The following HOOK3 variants were observed in gnomAD, a reference collection of about 807,000 sequenced individuals.
The protein encoded by HOOK3 is protein Hook homolog 3.
HOOK3 carries 24 observed loss-of-function variants against 116.3 expected under a neutral mutation model. The ratio of observed to expected loss-of-function variants is 0.21; its 90% CI spans 0.15 to 0.29. HOOK3 has a LOEUF of 0.29. HOOK3 is among the 10% of genes least tolerant of loss of function. The probability of loss-of-function intolerance (pLI) is 1.00; values close to 1 mark genes in which losing one functional copy is unlikely to be tolerated. For missense variants in HOOK3, 632 were observed against 830.2 expected (o/e 0.76, Z 2.93); for synonymous variants, 275 against 283.0 (o/e 0.97, Z 0.28).
chr8:43,028,508 TG>T lies in HOOK3; in HGVS notation c.*10011del, dbSNP rs1809973363. On this transcript the variant is annotated 3_prime_UTR_variant, in exon 22 of 22. Transcript: ENST00000307602. ...AATGAACATTGCCAACAGTTTTTTT[TG>T]TTTCTGTCCCTTAAACATTTCCCCT... 1 of 190,086 alleles carries T rather than the reference TG, an allele frequency of 5.3e-6. No individual in the cohort carries two copies. The highest frequency in any genetic ancestry group is 1.1e-5 in the Non-Finnish European group (1 of 90,688). The allele number at this position is 190,086 out of a possible 1,614,324, so 11.8% of individuals were successfully genotyped here.
At chr8:42,928,776 T>G (rs535373050) in intron 3 of HOOK3, among the ~76,000 whole-genome samples, 1 of 152,330 alleles carries the variant, frequency 6.6e-6, no homozygotes, top group East Asian at 1.9e-4. Flanking sequence ...GCACAGTGGC[T>G]CATGCCTGTA....
intron 10 of HOOK3, 106 bp from the exon 11 acceptor site, chr8:42,967,907 T>G: frequency 1.5e-6 from 1 of 669,630 alleles, no homozygotes; most frequent in Non-Finnish European, 2.7e-6. Context: ...ATCACTTTTG[T>G]CTTATTTCAT....
At chr8:42,906,407 T>C (rs1261161972) in intron 2 of HOOK3, 149 bp downstream of exon 2, 7 of 624,626 alleles carry the variant, frequency 1.1e-5, no homozygotes, top group South Asian at 1.9e-5. Context: ...AATGTACTTA[T>C]TAGGTATAGA....
At position 42,959,213 on chromosome 8, in the gene HOOK3, C is replaced by T; in HGVS notation, c.532-18C>T. 6.5e-7 allele frequency: 1 copy of T among 1,545,120 alleles called. No homozygotes were observed. Among genetic ancestry groups the T allele is most frequent in the South Asian group, 1.1e-5 (1 of 89,082 alleles). ...TACCACTTCATATTAAAATGTTTATCTCTTTGTTTCTAACCAGCTGAAGAA... is the reference window on the plus strand; with the variant it reads ...TACCACTTCATATTAAAATGTTTATTTCTTTGTTTCTAACCAGCTGAAGAA... On this transcript the variant is annotated intron_variant, in intron 7 of 21. Coordinates refer to ENST00000307602, the MANE Select transcript of HOOK3 (RefSeq NM_032410.4).
chr8:42,972,003 T>C lies in HOOK3; in HGVS notation c.1123-1286T>C, dbSNP rs185499501. Among the ~76,000 whole-genome samples the C allele has an allele frequency of 4.1e-3, 630 of 152,324 alleles. 1 individual carries two copies. The highest frequency in any genetic ancestry group is 7.0e-3 in the Non-Finnish European group (479 of 68,032). ...TGGCCTCTTAACTCCTTTTAAAATT[T>C]AGATTTCCTCTTTACTTTTTTAAGT... On this transcript the variant is annotated intron_variant, in intron 11 of 21. Coordinates refer to ENST00000307602, the MANE Select transcript of HOOK3 (RefSeq NM_032410.4).
chr8:42,937,475 T>A (rs566749152), intron 4 of HOOK3, among the ~76,000 whole-genome samples: 1 of 152,020 alleles, frequency 6.6e-6, no homozygotes, highest in Non-Finnish European at 1.5e-5. Flanking sequence ...CTTTAAATTG[T>A]GATGTTAGGG....
At chr8:43,000,635 A>G (rs1809361840) in intron 16 of HOOK3, among the ~76,000 whole-genome samples, 5 of 152,190 alleles carry the variant, frequency 3.3e-5, no homozygotes, top group Admixed American at 3.3e-4. Flanking sequence ...CATAGGAAGC[A>G]TAGAGGTGAA....
chr8:42,963,974 G>A (rs1165959850), intron 8 of HOOK3, among the ~76,000 whole-genome samples: 1 of 152,216 alleles, frequency 6.6e-6, no homozygotes, highest in Admixed American at 6.5e-5. Context: ...TTGGGAGGCC[G>A]AGGCAGGCGG....
chr8:42,920,440 A>G (rs1318090278), intron 2 of HOOK3, among the ~76,000 whole-genome samples: 1 of 152,226 alleles, frequency 6.6e-6, no homozygotes, highest in Non-Finnish European at 1.5e-5. Context: ...TATTCTTAGT[A>G]TATTTTGCCT....
At chr8:42,941,678 A>T (rs534323542) in intron 4 of HOOK3, among the ~76,000 whole-genome samples, 1 of 152,096 alleles carries the variant, frequency 6.6e-6, no homozygotes, top group African/African-American at 2.4e-5. Flanking sequence ...TGTTTTCCTT[A>T]TTATTTAGAA....
intron 11 of HOOK3, among the ~76,000 whole-genome samples, chr8:42,969,000 C>CT (rs1481773902): frequency 1.3e-5 from 2 of 152,032 alleles, no homozygotes; most frequent in Non-Finnish European, 2.9e-5. Context: ...CTCAGTGAGA[C>CT]TTGTTTATCA....
chr8:42,981,920 TA>T (rs952419876), intron 13 of HOOK3, among the ~76,000 whole-genome samples: 9 of 145,258 alleles, frequency 6.2e-5, no homozygotes, highest in Non-Finnish European at 1.4e-4. Context: ...ATATTTTCTA[TA>T]AACCTGACAG....
chr8:42,911,504 G>A (rs1807428642), intron 2 of HOOK3, among the ~76,000 whole-genome samples: 1 of 152,156 alleles, frequency 6.6e-6, no homozygotes, highest in African/African-American at 2.4e-5. Context: ...CTTTGGCGGT[G>A]GGTGGGGGGA....
chr8:42,933,939 G>A (rs1807917787), intron 4 of HOOK3, among the ~76,000 whole-genome samples: 1 of 152,096 alleles, frequency 6.6e-6, no homozygotes, highest in African/African-American at 2.4e-5. Context: ...GTATGAGAAG[G>A]AGTTTTTTTG....
chr8:42,896,995 TG>T lies in HOOK3; in HGVS notation c.-134del. ...GACGGTGCGGAGCCGCTGCCAGCGC[TG>T]GGCGAGAGTCGGCGGCCGGATCCGA... On this transcript the variant is annotated 5_prime_UTR_variant, in exon 1 of 22. Coordinates refer to ENST00000307602, the MANE Select transcript of HOOK3 (RefSeq NM_032410.4). 1.9e-6 allele frequency: 1 copy of T among 530,866 alleles called. No homozygotes were observed. Among genetic ancestry groups the T allele is most frequent in the Non-Finnish European group, 2.9e-6 (1 of 349,102 alleles). The allele number at this position is 530,866 out of a possible 1,614,324, so 32.9% of individuals were successfully genotyped here.
At chr8:43,005,792 G>T (rs1809473971) in intron 17 of HOOK3, among the ~76,000 whole-genome samples, 1 of 151,648 alleles carries the variant, frequency 6.6e-6, no homozygotes, top group Non-Finnish European at 1.5e-5. Context: ...TGCCTCCCGG[G>T]TTCAAGCAGG....
intron 12 of HOOK3, 74 bp downstream of exon 12, chr8:42,973,473 GC>G: frequency 1.1e-6 from 1 of 886,346 alleles, no homozygotes; most frequent in Non-Finnish European, 1.7e-6. Flanking sequence ...TTCATGTTTG[GC>G]CACATTCATT....
Position 43,027,203 on chromosome 8 carries a change from C to T in HOOK3, c.*8705C>T, listed in dbSNP as rs1385043366. On this transcript the variant is annotated 3_prime_UTR_variant, in exon 22 of 22. Transcript: ENST00000307602. ...AGCCACCATGCCCAGTGAACTTGGCCATTTTCTTACATTCATATATAGCAA... is the reference window on the plus strand; with the variant it reads ...AGCCACCATGCCCAGTGAACTTGGCTATTTTCTTACATTCATATATAGCAA... 4 of 233,494 alleles carry T rather than the reference C, an allele frequency of 1.7e-5. No homozygotes were observed. Among genetic ancestry groups the T allele is most frequent in the South Asian group, 6.2e-5 (1 of 16,106 alleles). The allele number at this position is 233,494 out of a possible 1,614,324, so 14.5% of individuals were successfully genotyped here. A position where few individuals can be genotyped will look rare whatever the true frequency, so the allele number is the denominator to read the frequency against.
rs561051864 is a variant in HOOK3 at position 42,927,249 on chromosome 8, T to G, written c.216+1620T>G. Among the ~76,000 whole-genome samples the G allele has an allele frequency of 5.9e-5, 9 of 151,560 alleles. No homozygotes were observed. In the East Asian group the frequency reaches 1.2e-3, roughly 19 times the overall value. Reference sequence around the variant, plus strand: ...GAAAACCGTTTAATGGCACTGGTTTTTTTTTTTTTTTGGTTTTTTTTTTTT... The same window carrying G: ...GAAAACCGTTTAATGGCACTGGTTTGTTTTTTTTTTTGGTTTTTTTTTTTT... On this transcript the variant is annotated intron_variant, in intron 3 of 21. Transcript: ENST00000307602.
Sources: gnomAD v4.1 joint callset for allele counts (sites outside exome capture counted in the v4.1 genomes callset) on GRCh38, gnomAD v4.1.1 for gene constraint, MANE v1.5 for transcripts, NCBI Gene and HGNC (gene_info 2026-07-23, HGNC 2026-07-21) for gene names.